MAGI2: variants seen among roughly 807,000 people sequenced by gnomAD.
MAGI2 encodes the protein membrane associated guanylate kinase, WW and PDZ domain containing 2, also known as membrane-associated guanylate kinase, WW and PDZ domain-containing protein 2.
A neutral mutation model predicts 133.3 loss-of-function variants in MAGI2; 35 were observed. That is an observed-to-expected ratio of 0.26 (90% CI 0.20 to 0.35). MAGI2 has a LOEUF of 0.35. MAGI2 is among the 10% of genes least tolerant of loss of function. The pLI is 1.00. For missense variants in MAGI2, 1,636 were observed against 1,863.4 expected (o/e 0.88, Z 2.25); for synonymous variants, 729 against 710.6 (o/e 1.03, Z -0.41).
chr7:78,775,320 TAAAAAAAAAAAAAAAAAAA>T lies in MAGI2; in HGVS notation c.419-148100_419-148082del, dbSNP rs3086258. On this transcript the variant is annotated intron_variant, in intron 2 of 21. Transcript: ENST00000354212. Reference sequence around the variant, plus strand: ...AGAGCGAGACTCTGTCGTCTCAAATTAAAAAAAAAAAAAAAAAAAAAAAAAAAAAAAAAAAAGGAAGCCT... The same window carrying T: ...AGAGCGAGACTCTGTCGTCTCAAATTAAAAAAAAAAAAAAAAAGGAAGCCT... 2.1e-3 allele frequency among the ~76,000 whole-genome samples: 121 copies of T among 57,380 alleles called. 3 individuals are homozygous for T. Among genetic ancestry groups the T allele is most frequent in the African/African-American group, 7.4e-3 (106 of 14,370 alleles). 37.6% of individuals were successfully genotyped at this position (57,380 alleles called of 152,430 possible).
chr7:78,530,202 CA>C (rs1344399842), intron 3 of MAGI2, among the ~76,000 whole-genome samples: 14 of 152,030 alleles, frequency 9.2e-5, no homozygotes, highest in Admixed American at 9.2e-4. Flanking sequence ...GAGTAAACAC[CA>C]AAACACAATA....
intron 3 of MAGI2, among the ~76,000 whole-genome samples, chr7:78,597,250 T>G (rs970704277): frequency 6.6e-6 from 1 of 152,144 alleles, no homozygotes; most frequent in East Asian, 1.9e-4. Flanking sequence ...TCTGAGCATA[T>G]TCCAATTTGA....
chr7:78,655,573 C>G (rs1236621844), intron 2 of MAGI2, among the ~76,000 whole-genome samples: 1 of 151,540 alleles, frequency 6.6e-6, no homozygotes, highest in Middle Eastern at 3.2e-3. Flanking sequence ...GCGGCATCAC[C>G]AGAAGGGAAT....
chr7:78,065,441 A>G (rs1272530880), intron 21 of MAGI2: 2 of 572,826 alleles, frequency 3.5e-6, no homozygotes, highest in African/African-American at 3.8e-5. Flanking sequence ...GGTCTGAGCT[A>G]TACATATATT....
intron 1 of MAGI2, among the ~76,000 whole-genome samples, chr7:79,171,292 G>T (rs906688926): frequency 4.6e-5 from 7 of 151,872 alleles, no homozygotes; most frequent in African/African-American, 1.7e-4. Context: ...GTCTTCACAG[G>T]GTATTCTCCC....
intron 4 of MAGI2, among the ~76,000 whole-genome samples, chr7:78,504,865 T>C (rs936545639): frequency 2.3e-4 from 35 of 152,298 alleles, no homozygotes; most frequent in African/African-American, 8.4e-4. Context: ...TGAATATCTA[T>C]TGACCTTGAA....
At chr7:78,294,662 C>T (rs557443445) in intron 9 of MAGI2, among the ~76,000 whole-genome samples, 1 of 149,240 alleles carries the variant, frequency 6.7e-6, no homozygotes, top group African/African-American at 2.6e-5. Context: ...TGCCTCAATG[C>T]CATCTATCAG....
At chr7:79,033,043 A>G (rs1341606144) in intron 1 of MAGI2, among the ~76,000 whole-genome samples, 1 of 152,120 alleles carries the variant, frequency 6.6e-6, no homozygotes, top group Non-Finnish European at 1.5e-5. Context: ...AAGCCAGGAG[A>G]TTTTTGAACC....
chr7:78,810,132 G>A (rs1227114072), intron 2 of MAGI2, among the ~76,000 whole-genome samples: 1 of 151,966 alleles, frequency 6.6e-6, no homozygotes, highest in Non-Finnish European at 1.5e-5. Flanking sequence ...AGGAAAGGCT[G>A]GTTAATGAAA....
chr7:78,522,202 T>C (rs1796565951), intron 3 of MAGI2, among the ~76,000 whole-genome samples: 2 of 152,176 alleles, frequency 1.3e-5, no homozygotes, highest in East Asian at 1.9e-4. Context: ...GCTGCTCTAT[T>C]CACTCTTCAG....
chr7:79,071,342 C>T (rs1480419739), intron 1 of MAGI2, among the ~76,000 whole-genome samples: 2 of 152,008 alleles, frequency 1.3e-5, no homozygotes, highest in Non-Finnish European at 2.9e-5. Context: ...AGGGGCACCC[C>T]CCCAGATGCC....
intron 2 of MAGI2, among the ~76,000 whole-genome samples, chr7:78,993,471 A>G (rs1273163616): frequency 6.6e-6 from 1 of 152,092 alleles, no homozygotes; most frequent in Non-Finnish European, 1.5e-5. Context: ...GGACTTACAG[A>G]CACAATGTTT....
intron 3 of MAGI2, among the ~76,000 whole-genome samples, chr7:78,584,247 C>G: frequency 6.6e-6 from 1 of 151,794 alleles, no homozygotes; most frequent in East Asian, 1.9e-4. Context: ...CGGTGAAACC[C>G]TGTCTCTACT....
At chr7:78,768,762 TA>T (rs773257442) in intron 2 of MAGI2, among the ~76,000 whole-genome samples, 12 of 152,206 alleles carry the variant, frequency 7.9e-5, no homozygotes, top group Non-Finnish European at 1.5e-4. Flanking sequence ...AAAGAATTAT[TA>T]TTTTTTTCTG....
chr7:78,224,080 C>G (rs1486548004), intron 10 of MAGI2, among the ~76,000 whole-genome samples: 2 of 152,116 alleles, frequency 1.3e-5, no homozygotes, highest in Non-Finnish European at 2.9e-5. Context: ...CTTTCTCATT[C>G]TCAATTCTAC....
chr7:78,499,703 A>C lies in MAGI2; in HGVS notation c.965+1874T>G, dbSNP rs148618497. ...AAACATTGTAAGAAAATAGTCTTTA[A>C]TCAACTTGTCATGCTGCTTTCCTTT... On this transcript the variant is annotated intron_variant, in intron 5 of 21. Transcript: ENST00000354212. Among the ~76,000 whole-genome samples the C allele has an allele frequency of 3.2e-3, 488 of 152,348 alleles. 4 individuals are homozygous for C. The highest frequency in any genetic ancestry group is 0.011 in the African/African-American group (470 of 41,576).
intron 2 of MAGI2, among the ~76,000 whole-genome samples, chr7:78,806,188 G>T (rs900560035): frequency 6.6e-6 from 1 of 152,042 alleles, no homozygotes; most frequent in African/African-American, 2.4e-5. Context: ...ATGCAGAAAA[G>T]ACATGAGTTC....
intron 1 of MAGI2, among the ~76,000 whole-genome samples, chr7:79,330,686 G>A (rs1170181252): frequency 6.6e-6 from 1 of 151,966 alleles, no homozygotes; most frequent in African/African-American, 2.4e-5. Context: ...TGAGTTACTG[G>A]TTGAAGCCTC....
chr7:78,584,236 A>T (rs952539104), intron 3 of MAGI2, among the ~76,000 whole-genome samples: 3 of 152,062 alleles, frequency 2.0e-5, no homozygotes, highest in African/African-American at 4.8e-5. Flanking sequence ...CCTGGTCAAT[A>T]CGGTGAAACC....
Sources: gnomAD v4.1 joint callset for allele counts (sites outside exome capture counted in the v4.1 genomes callset) on GRCh38, gnomAD v4.1.1 for gene constraint, MANE v1.5 for transcripts, NCBI Gene and HGNC (gene_info 2026-07-23, HGNC 2026-07-21) for gene names.